SUPT3H: variants seen among roughly 807,000 people sequenced by gnomAD.
The protein encoded by SUPT3H is transcription initiation protein SPT3 homolog.
A neutral mutation model predicts 44.3 loss-of-function variants in SUPT3H; 44 were observed. The observed-to-expected ratio is 0.99, with a 90% confidence interval of 0.78 to 1.28. SUPT3H has a LOEUF of 1.28. Ranked by LOEUF, SUPT3H falls within the 50% of genes most tolerant of loss-of-function variation. The pLI is 0.00. For missense variants in SUPT3H, 380 were observed against 387.1 expected, an observed-to-expected ratio of 0.98 and a Z score of 0.15; for synonymous variants, 124 against 125.6, an observed-to-expected ratio of 0.99 and a Z score of 0.09.
chr6:44,889,889 C>A (rs1475686425), intron 10 of SUPT3H, among the ~76,000 whole-genome samples: 1 of 152,008 alleles, frequency 6.6e-6, no homozygotes, highest in Non-Finnish European at 1.5e-5. Flanking sequence ...TATCCAGAAT[C>A]TACAATGAAC....
chr6:45,042,586 G>T (rs1169523987), intron 3 of SUPT3H, among the ~76,000 whole-genome samples: 1 of 152,078 alleles, frequency 6.6e-6, no homozygotes, highest in African/African-American at 2.4e-5. Context: ...TAAGTTTTAG[G>T]GTACATGTGC....
At position 45,261,071 on chromosome 6, in the gene SUPT3H, TACCAATCAAA is replaced by T. The variant is rs1044503801; in HGVS notation, c.101+104120_101+104129del. On this transcript the variant is annotated intron_variant, in intron 2 of 10. Transcript: ENST00000371459. ...TTTTAAAATAATTTTTTTAAAACCC[TACCAATCAAA>T]ACCAATCAAAATTTGCCCTGGAACA... Among the ~76,000 whole-genome samples, 28 of 152,104 alleles carry T rather than the reference TACCAATCAAA, an allele frequency of 1.8e-4. No homozygotes were observed. In the South Asian group the frequency reaches 5.6e-3, roughly 30 times the overall value.
chr6:44,925,882 G>T (rs537894185), intron 10 of SUPT3H, among the ~76,000 whole-genome samples: 7 of 152,164 alleles, frequency 4.6e-5, no homozygotes, highest in African/African-American at 1.7e-4. Flanking sequence ...TTTTTAGGTT[G>T]TGAAAAAAAT....
Position 45,365,232 on chromosome 6 carries a change from T to A in SUPT3H, c.70A>T (p.Ile24Leu), listed in dbSNP as rs780628100. The A allele has an allele frequency of 1.2e-6, 2 of 1,612,232 alleles. No individual in the cohort carries two copies. Among genetic ancestry groups the A allele is most frequent in the South Asian group, 2.2e-5 (2 of 90,926 alleles). ...SSSGRSTGKS[I>L]SFATELQSMM... ...CTCTGTAATTCTGTTGCAAAGCTTATAGACTTCCCTGTACTCCTTCCACTA... is the reference window on the plus strand; with the variant it reads ...CTCTGTAATTCTGTTGCAAAGCTTAAAGACTTCCCTGTACTCCTTCCACTA... The change falls in exon 2 of 11, where the codon ATA (isoleucine) becomes TTA (leucine). Residue 24 changes from isoleucine to leucine, a missense_variant. Coordinates refer to ENST00000371459, the MANE Select transcript of SUPT3H (RefSeq NM_003599.4).
intron 2 of SUPT3H, among the ~76,000 whole-genome samples, chr6:45,259,760 T>C (rs1224720739): frequency 6.6e-6 from 1 of 152,144 alleles, no homozygotes; most frequent in African/African-American, 2.4e-5. Context: ...GGATGGAATG[T>C]GGATGTTGTT....
intron 2 of SUPT3H, among the ~76,000 whole-genome samples, chr6:45,313,289 G>A (rs1273191733): frequency 6.6e-6 from 1 of 151,806 alleles, no homozygotes; most frequent in East Asian, 1.9e-4. Flanking sequence ...TAAGAGCAGA[G>A]CAGAACTAAA....
chr6:44,944,220 T>G (rs1258275957), intron 9 of SUPT3H, among the ~76,000 whole-genome samples: 4 of 152,168 alleles, frequency 2.6e-5, no homozygotes, highest in Middle Eastern at 3.4e-3. Flanking sequence ...ATACTGAACA[T>G]TTAAGGATGT....
At chr6:45,360,799 G>A (rs555677953) in intron 2 of SUPT3H, among the ~76,000 whole-genome samples, 2 of 152,222 alleles carry the variant, frequency 1.3e-5, no homozygotes, top group South Asian at 4.1e-4. Flanking sequence ...TCCAGGAAGC[G>A]GGCAGAACTA....
At chr6:45,288,243 AC>A (rs1779634350) in intron 2 of SUPT3H, among the ~76,000 whole-genome samples, 1 of 152,026 alleles carries the variant, frequency 6.6e-6, no homozygotes, top group Non-Finnish European at 1.5e-5. Flanking sequence ...TTAACTGACA[AC>A]TAAAAAGGGC....
At chr6:45,343,280 C>A (rs1042112531) in intron 2 of SUPT3H, among the ~76,000 whole-genome samples, 1 of 152,052 alleles carries the variant, frequency 6.6e-6, no homozygotes, top group Non-Finnish European at 1.5e-5. Flanking sequence ...GAGGCCGAGG[C>A]GGGCAGACCA....
intron 2 of SUPT3H, among the ~76,000 whole-genome samples, chr6:45,154,167 A>G (rs1680940052): frequency 6.6e-6 from 1 of 151,386 alleles, no homozygotes; most frequent in Non-Finnish European, 1.5e-5. Flanking sequence ...GGTTTTGCCT[A>G]CTTAGCTTAA....
chr6:45,103,070 C>T (rs1259635069), intron 3 of SUPT3H, among the ~76,000 whole-genome samples: 1 of 152,064 alleles, frequency 6.6e-6, no homozygotes, highest in African/African-American at 2.4e-5. Context: ...TTTGTCATGA[C>T]TACATGATAT....
intron 2 of SUPT3H, among the ~76,000 whole-genome samples, chr6:45,312,301 G>T (rs1431873773): frequency 6.6e-6 from 1 of 152,084 alleles, no homozygotes; most frequent in African/African-American, 2.4e-5. Flanking sequence ...GAGGTCAGGA[G>T]ATCAAGACCA....
chr6:45,326,223 T>C (rs535672066), intron 2 of SUPT3H, among the ~76,000 whole-genome samples: 9 of 151,922 alleles, frequency 5.9e-5, no homozygotes, highest in Non-Finnish European at 1.2e-4. Flanking sequence ...AATGCTAATG[T>C]AGAAACTATA....
At chr6:44,859,647 A>G (rs1774291088) in intron 10 of SUPT3H, among the ~76,000 whole-genome samples, 1 of 152,216 alleles carries the variant, frequency 6.6e-6, no homozygotes, top group Non-Finnish European at 1.5e-5. Flanking sequence ...CAACTCTCCT[A>G]GGGTCCTGTC....
At chr6:45,282,742 A>G (rs1357623716) in intron 2 of SUPT3H, among the ~76,000 whole-genome samples, 1 of 152,188 alleles carries the variant, frequency 6.6e-6, no homozygotes, top group African/African-American at 2.4e-5. Flanking sequence ...GAACGCCACA[A>G]AGATACTCCT....
chr6:45,076,749 C>G (rs1795052528), intron 3 of SUPT3H, among the ~76,000 whole-genome samples: 1 of 152,152 alleles, frequency 6.6e-6, no homozygotes, highest in Non-Finnish European at 1.5e-5. Context: ...CTAATGATTT[C>G]TTACAATCTG....
intron 11 of SUPT3H, among the ~76,000 whole-genome samples, chr6:44,819,157 C>T (rs1396999317): frequency 2.0e-5 from 3 of 152,076 alleles, no homozygotes; most frequent in Non-Finnish European, 2.9e-5. Flanking sequence ...AATGAACTAA[C>T]ACACGAAACA....
chr6:45,273,117 A>T (rs1427300416), intron 2 of SUPT3H, among the ~76,000 whole-genome samples: 1 of 152,224 alleles, frequency 6.6e-6, no homozygotes, highest in Non-Finnish European at 1.5e-5. Context: ...CATCGGGTGG[A>T]AAGTTTGCTC....
Sources: gnomAD v4.1 joint callset for allele counts (sites outside exome capture counted in the v4.1 genomes callset) on GRCh38, gnomAD v4.1.1 for gene constraint, MANE v1.5 for transcripts, NCBI Gene and HGNC (gene_info 2026-07-23, HGNC 2026-07-21) for gene names.